UBTD1: variants seen among roughly 807,000 people sequenced by gnomAD.
The protein encoded by UBTD1 is ubiquitin domain-containing protein 1.
UBTD1 carries 19 observed loss-of-function variants against 21.7 expected under a neutral mutation model. That is an observed-to-expected ratio of 0.87 (90% CI 0.61 to 1.28). UBTD1 has a LOEUF of 1.28. Ranked by LOEUF, UBTD1 falls within the 50% of genes most tolerant of loss-of-function variation. UBTD1 has a pLI of 0.00. For missense variants in UBTD1, 282 were observed against 315.1 expected (o/e 0.89, Z 0.80); for synonymous variants, 116 against 135.1 (o/e 0.86, Z 0.98).
rs185180919 is a variant in UBTD1 at position 97,548,846 on chromosome 10, C to T, written c.71-19068C>T. Among the ~76,000 whole-genome samples the T allele has an allele frequency of 1.5e-3, 223 of 152,292 alleles. 1 individual carries two copies. Among genetic ancestry groups the T allele is most frequent in the African/African-American group, 5.3e-3 (219 of 41,560 alleles). On this transcript the variant is annotated intron_variant, in intron 1 of 2. Transcript: ENST00000370664. ...TGGGGGCTCTGTTTGTAATTGATAT[C>T]AGATAGGCCAGTTTTCCTCTGGAAA...
intron 1 of UBTD1, among the ~76,000 whole-genome samples, chr10:97,548,680 G>A (rs1490105841): frequency 6.6e-6 from 1 of 152,170 alleles, no homozygotes; most frequent in Admixed American, 6.5e-5. Context: ...GGGAGGCTGG[G>A]GCAGGAAAAT....
At chr10:97,538,016 G>C (rs2040571249) in intron 1 of UBTD1, among the ~76,000 whole-genome samples, 1 of 151,670 alleles carries the variant, frequency 6.6e-6, no homozygotes. Flanking sequence ...AGTAGAGATG[G>C]GCTTTCACCA....
At chr10:97,500,872 T>C (rs570173778) in intron 1 of UBTD1, among the ~76,000 whole-genome samples, 1 of 152,338 alleles carries the variant, frequency 6.6e-6, no homozygotes, top group Admixed American at 6.5e-5. Context: ...GAACCCCATC[T>C]CTAGATGCCC....
chr10:97,522,510 C>G (rs936777448), intron 1 of UBTD1, among the ~76,000 whole-genome samples: 1 of 152,204 alleles, frequency 6.6e-6, no homozygotes, highest in African/African-American at 2.4e-5. Context: ...ACTTGTCTTA[C>G]AGAGTGGTGA....
intron 1 of UBTD1, among the ~76,000 whole-genome samples, chr10:97,538,022 C>T (rs1214892340): frequency 1.3e-5 from 2 of 151,770 alleles, no homozygotes; most frequent in Admixed American, 1.3e-4. Flanking sequence ...GATGGGCTTT[C>T]ACCATGTTGG....
chr10:97,554,126 A>T (rs2040653084), intron 1 of UBTD1, among the ~76,000 whole-genome samples: 1 of 152,220 alleles, frequency 6.6e-6, no homozygotes, highest in Non-Finnish European at 1.5e-5. Context: ...TAGTCTTCTC[A>T]AGAGAAAATG....
At chr10:97,524,412 T>G (rs1296045586) in intron 1 of UBTD1, among the ~76,000 whole-genome samples, 3 of 151,974 alleles carry the variant, frequency 2.0e-5, no homozygotes, top group African/African-American at 7.3e-5. Flanking sequence ...CCCATAGAGT[T>G]TTTACCCTGA....
chr10:97,568,221 G>A, intron 2 of UBTD1, 80 bp downstream of exon 2: 1 of 1,475,348 alleles, frequency 6.8e-7, no homozygotes, highest in Non-Finnish European at 9.4e-7. Flanking sequence ...GAGGAGTGTG[G>A]AGCGGTGGGG....
At chr10:97,533,766 T>G (rs1564739559) in intron 1 of UBTD1, among the ~76,000 whole-genome samples, 1 of 151,882 alleles carries the variant, frequency 6.6e-6, no homozygotes, top group Non-Finnish European at 1.5e-5. Flanking sequence ...CTACTAAAAA[T>G]ACGAAAATTA....
chr10:97,529,545 C>T (rs2040517286), intron 1 of UBTD1, among the ~76,000 whole-genome samples: 1 of 152,152 alleles, frequency 6.6e-6, no homozygotes, highest in African/African-American at 2.4e-5. Context: ...GCGGATCACT[C>T]GCGGTTAGGA....
intron 1 of UBTD1, among the ~76,000 whole-genome samples, chr10:97,519,829 C>T (rs1006562555): frequency 1.3e-5 from 2 of 152,160 alleles, no homozygotes; most frequent in Non-Finnish European, 2.9e-5. Context: ...GGCTAAGAAG[C>T]TGTCTCCCAA....
intron 1 of UBTD1, among the ~76,000 whole-genome samples, chr10:97,504,070 G>A (rs1457692916): frequency 1.3e-5 from 2 of 151,970 alleles, no homozygotes; most frequent in East Asian, 1.9e-4. Flanking sequence ...TAAAATTCTC[G>A]TCGTCCCTGA....
intron 1 of UBTD1, among the ~76,000 whole-genome samples, chr10:97,547,409 A>G (rs1431165061): frequency 1.3e-5 from 2 of 152,124 alleles, no homozygotes; most frequent in Non-Finnish European, 2.9e-5. Context: ...CTTCTGCCCC[A>G]GGAAAAGTGC....
At chr10:97,561,383 C>A (rs1193092470) in intron 1 of UBTD1, among the ~76,000 whole-genome samples, 1 of 152,022 alleles carries the variant, frequency 6.6e-6, no homozygotes, top group Non-Finnish European at 1.5e-5. Flanking sequence ...GAAGGAAGGG[C>A]TTTATTCAGC....
intron 1 of UBTD1, among the ~76,000 whole-genome samples, chr10:97,502,077 A>T (rs1200711686): frequency 3.3e-5 from 5 of 152,200 alleles, no homozygotes; most frequent in Non-Finnish European, 4.4e-5. Context: ...ACGCACACAC[A>T]CACATTCAGC....
intron 1 of UBTD1, among the ~76,000 whole-genome samples, chr10:97,543,563 G>A (rs2040595722): frequency 6.6e-6 from 1 of 152,210 alleles, no homozygotes. Flanking sequence ...GCAGACTGAT[G>A]AGTGGCATTT....
intron 1 of UBTD1, among the ~76,000 whole-genome samples, chr10:97,513,519 G>A (rs1366861779): frequency 6.6e-6 from 1 of 152,276 alleles, no homozygotes; most frequent in South Asian, 2.1e-4. Flanking sequence ...GGAAGTAAGT[G>A]GGCATAGTTT....
At chr10:97,554,247 GT>G (rs71007352) in intron 1 of UBTD1, among the ~76,000 whole-genome samples, 25 of 134,862 alleles carry the variant, frequency 1.9e-4, no homozygotes, top group African/African-American at 6.3e-4. Context: ...GTTTGTTTTC[GT>G]TTTTTTTTTT....
In UBTD1 at chr10:97,567,917, G is replaced by A. The variant is rs148532930; in HGVS notation, c.74G>A (p.Arg25His). 1.4e-3 allele frequency: 2,209 copies of A among 1,614,072 alleles called. 2 individuals are homozygous for A. Among genetic ancestry groups the A allele is most frequent in the Non-Finnish European group, 1.7e-3 (2,055 of 1,180,022 alleles). Reference sequence around the variant, plus strand: ...CCTCTCCTTCTGTCCTGCCCAGGACGCAATGAGCCCCTGAAGAAAGAGCGG... The same window carrying A: ...CCTCTCCTTCTGTCCTGCCCAGGACACAATGAGCCCCTGAAGAAAGAGCGG... Reference protein sequence around the residue: ...APGHPRKRAGRNEPLKKERLK... With the variant: ...APGHPRKRAGHNEPLKKERLK... Residue 25 changes from arginine to histidine, a missense_variant, in exon 2 of 3, where the codon CGC becomes CAC. Arg to His is a conservative substitution (Grantham distance 29). Coordinates refer to ENST00000370664, the MANE Select transcript of UBTD1 (RefSeq NM_024954.5).
Sources: gnomAD v4.1 joint callset for allele counts (sites outside exome capture counted in the v4.1 genomes callset) on GRCh38, gnomAD v4.1.1 for gene constraint, MANE v1.5 for transcripts, NCBI Gene and HGNC (gene_info 2026-07-23, HGNC 2026-07-21) for gene names.